UBE2D1: variants seen among roughly 807,000 people sequenced by gnomAD.
UBE2D1 encodes the protein ubiquitin conjugating enzyme E2 D1, also known as ubiquitin-conjugating enzyme E2 D1.
Under a neutral mutation model 24.6 loss-of-function variants are expected in UBE2D1, and 9 were observed. That is an observed-to-expected ratio of 0.37 (90% CI 0.22 to 0.64). The LOEUF (loss-of-function observed/expected upper bound fraction) is 0.64, where lower values mean the gene tolerates loss of function less well. Among genes scored for constraint, UBE2D1 ranks in the 30% least tolerant of loss-of-function variants. The pLI is 0.64. For missense variants in UBE2D1, 87 were observed against 177.1 expected (o/e 0.49, Z 2.89); for synonymous variants, 57 against 57.6 (o/e 0.99, Z 0.04).
At chr10:58,342,294 G>T (rs1839969159) in intron 1 of UBE2D1, among the ~76,000 whole-genome samples, 1 of 152,042 alleles carries the variant, frequency 6.6e-6, no homozygotes, top group South Asian at 2.1e-4. Context: ...GGTCCCGTTT[G>T]TATGGCTCAT....
chr10:58,342,554 C>T (rs1331124789), intron 1 of UBE2D1, among the ~76,000 whole-genome samples: 1 of 152,120 alleles, frequency 6.6e-6, no homozygotes, highest in African/African-American at 2.4e-5. Context: ...TTCTTCTCTT[C>T]TCTTAAACCA....
intron 1 of UBE2D1, among the ~76,000 whole-genome samples, chr10:58,348,135 G>T (rs759954481): frequency 5.9e-5 from 9 of 152,328 alleles, no homozygotes; most frequent in Middle Eastern, 3.4e-3. Context: ...GTTTGTTGAA[G>T]TGAGTTTGGT....
In UBE2D1 at chr10:58,368,970, A is replaced by G; in HGVS notation, c.*205A>G. On this transcript the variant is annotated 3_prime_UTR_variant, in exon 7 of 7. Transcript: ENST00000373910. ...GTGATGAGAGCATTTATCATTTTGT[A>G]TGCATTGAGAAAGACATTTATTATG... 1 of 344,526 alleles carries G rather than the reference A, an allele frequency of 2.9e-6. No individual in the cohort carries two copies. The allele number at this position is 344,526 out of a possible 1,614,324, so 21.3% of individuals were successfully genotyped here.
At chr10:58,361,813 T>TA (rs1844097006) in intron 3 of UBE2D1, among the ~76,000 whole-genome samples, 1 of 151,050 alleles carries the variant, frequency 6.6e-6, no homozygotes, top group Admixed American at 6.6e-5. Context: ...TTTTTTTTTT[T>TA]AAGTCACAGA....
rs1234300414 is a variant in UBE2D1 at position 58,369,575 on chromosome 10, A to C, written c.*810A>C. On this transcript the variant is annotated 3_prime_UTR_variant, in exon 7 of 7. Coordinates refer to ENST00000373910, the MANE Select transcript of UBE2D1 (RefSeq NM_003338.5). Reference sequence around the variant, plus strand: ...GATCTTACTGTAGCTTTTTCCATATAAATAAAATGCTTTTTCTACTATTTG... The same window carrying C: ...GATCTTACTGTAGCTTTTTCCATATCAATAAAATGCTTTTTCTACTATTTG... The C allele has an allele frequency of 2.0e-5, 3 of 152,518 alleles. No individual in the cohort carries two copies. Among genetic ancestry groups the C allele is most frequent in the African/African-American group, 4.8e-5 (2 of 41,432 alleles). The allele number at this position is 152,518 out of a possible 1,614,324, so 9.4% of individuals were successfully genotyped here. A position where few individuals can be genotyped will look rare whatever the true frequency, so the allele number is the denominator to read the frequency against.
intron 1 of UBE2D1, among the ~76,000 whole-genome samples, chr10:58,340,605 G>A (rs1163358501): frequency 6.6e-6 from 1 of 152,140 alleles, no homozygotes; most frequent in East Asian, 1.9e-4. Context: ...TGGAGAGAGT[G>A]TTATTTCCTT....
chr10:58,346,684 T>A (rs1276212829), intron 1 of UBE2D1, among the ~76,000 whole-genome samples: 1 of 152,092 alleles, frequency 6.6e-6, no homozygotes, highest in East Asian at 1.9e-4. Flanking sequence ...AGAAGTCACG[T>A]CTTGGAAGGT....
At chr10:58,364,974 C>T (rs1408801692) in intron 5 of UBE2D1, 98 bp downstream of exon 5, 8 of 916,442 alleles carry the variant, frequency 8.7e-6, no homozygotes, top group African/African-American at 6.8e-5. Flanking sequence ...CAACAATCAA[C>T]TGTGCTTTCT....
intron 1 of UBE2D1, among the ~76,000 whole-genome samples, chr10:58,347,292 A>T (rs750438449): frequency 6.6e-6 from 1 of 152,186 alleles, no homozygotes; most frequent in Non-Finnish European, 1.5e-5. Flanking sequence ...TTAGATGGTA[A>T]CTCCAAGGTT....
Position 58,335,059 on chromosome 10 carries a change from G to A in UBE2D1, c.-143G>A. 1.2e-6 allele frequency: 1 copy of A among 862,814 alleles called. No homozygotes were observed. Among genetic ancestry groups the A allele is most frequent in the Admixed American group, 2.5e-5 (1 of 40,784 alleles). 53.4% of individuals were successfully genotyped at this position (862,814 alleles called of 1,614,324 possible). ...GCACACGGAGCAGGGACCGGCGCCC[G>A]GAGCGAGCCAGGGAGCGGCTAACCG... is the stretch of plus-strand genomic sequence containing the variant. On this transcript the variant is annotated 5_prime_UTR_variant, in exon 1 of 7. Transcript: ENST00000373910.
At position 58,369,994 on chromosome 10, in the gene UBE2D1, T is replaced by C. The variant is rs1051667658; in HGVS notation, c.*1229T>C. The C allele has an allele frequency of 6.6e-6, 1 of 152,070 alleles. No homozygotes were observed. Among genetic ancestry groups the C allele is most frequent in the Non-Finnish European group, 1.5e-5 (1 of 67,822 alleles). 9.4% of individuals were successfully genotyped at this position (152,070 alleles called of 1,614,324 possible). A position where few individuals can be genotyped will look rare whatever the true frequency, so the allele number is the denominator to read the frequency against. On this transcript the variant is annotated 3_prime_UTR_variant, in exon 7 of 7. Coordinates refer to ENST00000373910, the MANE Select transcript of UBE2D1 (RefSeq NM_003338.5). ...GTAATTGACATTACATTTCTTAACA[T>C]TTTAAAATCTAGAATTTCTAAAATG...
At chr10:58,338,496 T>C (rs1839927284) in intron 1 of UBE2D1, among the ~76,000 whole-genome samples, 2 of 152,152 alleles carry the variant, frequency 1.3e-5, no homozygotes, top group South Asian at 4.1e-4. Flanking sequence ...CTAAAACATG[T>C]CTGAAAAGAG....
intron 6 of UBE2D1, chr10:58,368,332 A>G (rs1206778197): frequency 1.1e-5 from 3 of 261,220 alleles, no homozygotes; most frequent in Non-Finnish European, 2.2e-5. Context: ...TATCTTCTCC[A>G]AGGAAGAGGA....
chr10:58,341,331 TAAAG>T (rs1369752228), intron 1 of UBE2D1, among the ~76,000 whole-genome samples: 1 of 152,186 alleles, frequency 6.6e-6, no homozygotes, highest in Non-Finnish European at 1.5e-5. Flanking sequence ...TGATACAACT[TAAAG>T]AAGCACGGTA....
At chr10:58,336,673 C>G (rs1564556555) in intron 1 of UBE2D1, among the ~76,000 whole-genome samples, 1 of 152,212 alleles carries the variant, frequency 6.6e-6, no homozygotes, top group Non-Finnish European at 1.5e-5. Flanking sequence ...GCCTTAGCAT[C>G]TTTACCATAC....
At chr10:58,339,516 T>C (rs1415661143) in intron 1 of UBE2D1, among the ~76,000 whole-genome samples, 2 of 152,182 alleles carry the variant, frequency 1.3e-5, no homozygotes, top group Non-Finnish European at 1.5e-5. Flanking sequence ...TATCCATACA[T>C]ATGAGGCTGC....
chr10:58,359,437 G>A (rs1219899939), intron 1 of UBE2D1, among the ~76,000 whole-genome samples: 5 of 152,044 alleles, frequency 3.3e-5, no homozygotes, highest in Admixed American at 1.3e-4. Flanking sequence ...TCATTCTCAT[G>A]GTTTTAAATA....
intron 1 of UBE2D1, among the ~76,000 whole-genome samples, chr10:58,346,491 A>G (rs1840018954): frequency 6.6e-6 from 1 of 152,220 alleles, no homozygotes; most frequent in Non-Finnish European, 1.5e-5. Context: ...TTAAGATGAG[A>G]CAAGAAAGTA....
rs369740514 is a variant in UBE2D1 at position 58,363,659 on chromosome 10, G to T, written c.171G>T (p.Pro57=). The T allele has an allele frequency of 1.2e-6, 2 of 1,611,412 alleles. No homozygotes were observed. Among genetic ancestry groups the T allele is most frequent in the African/African-American group, 1.3e-5 (1 of 74,750 alleles). ...TCTTCTTTCTCACTGTACATTTTCCGACAGATTATCCTTTTAAACCACCAA... is the reference window on the plus strand; with the variant it reads ...TCTTCTTTCTCACTGTACATTTTCCTACAGATTATCCTTTTAAACCACCAA... ...GGVFFLTVHF[P]TDYPFKPPKI... The change falls in exon 4 of 7, where the codon CCG becomes CCT. Residue 57 remains proline, a synonymous_variant. Transcript: ENST00000373910.
Sources: gnomAD v4.1 joint callset for allele counts (sites outside exome capture counted in the v4.1 genomes callset) on GRCh38, gnomAD v4.1.1 for gene constraint, MANE v1.5 for transcripts, NCBI Gene and HGNC (gene_info 2026-07-23, HGNC 2026-07-21) for gene names.